Variants in KDM4C observed in about 807,000 individuals in gnomAD.
The protein encoded by KDM4C is lysine-specific demethylase 4C.
KDM4C carries 81 observed loss-of-function variants against 129.3 expected under a neutral mutation model. The observed-to-expected ratio is 0.63, with a 90% confidence interval of 0.52 to 0.75. The LOEUF is 0.75. Ranked by LOEUF, KDM4C falls within the 30% of genes least tolerant of loss-of-function variation. KDM4C has a pLI of 0.00. For missense variants in KDM4C, 1,457 were observed against 1,304.0 expected (o/e 1.12, Z -1.81); for synonymous variants, 573 against 456.1 (o/e 1.26, Z -3.26).
At chr9:6,812,197 A>G (rs1047117525) in intron 3 of KDM4C, among the ~76,000 whole-genome samples, 1 of 150,842 alleles carries the variant, frequency 6.6e-6, no homozygotes, top group Admixed American at 6.6e-5. Context: ...AGATCATGCC[A>G]CCGCACTCCA....
chr9:6,881,389 G>A (rs558659220), intron 6 of KDM4C, among the ~76,000 whole-genome samples: 5 of 152,160 alleles, frequency 3.3e-5, no homozygotes, highest in Admixed American at 6.5e-5. Context: ...CTGTTTTCAT[G>A]AATAAGTTTT....
chr9:6,971,182 G>C (rs1299377557), intron 8 of KDM4C, among the ~76,000 whole-genome samples: 1 of 152,142 alleles, frequency 6.6e-6, no homozygotes, highest in South Asian at 2.1e-4. Flanking sequence ...AATCTTTGCT[G>C]TGATTATTAT....
At chr9:7,146,401 A>C (rs1466473669) in intron 19 of KDM4C, among the ~76,000 whole-genome samples, 1 of 152,144 alleles carries the variant, frequency 6.6e-6, no homozygotes, top group East Asian at 1.9e-4. Flanking sequence ...CTTTTCCCCT[A>C]ATTTTCCTTA....
chr9:7,044,664 G>A lies in KDM4C; in HGVS notation c.2260-2198G>A, dbSNP rs1829129275. On this transcript the variant is annotated intron_variant, in intron 15 of 21. Transcript: ENST00000381309. ...GTACAGGCTTGAGAAGAAGATATGA[G>A]TTCAGTTTTGCATGTGTGTTTGAGA... is the stretch of plus-strand genomic sequence containing the variant. Among the ~76,000 whole-genome samples the A allele has an allele frequency of 2.0e-5, 3 of 151,880 alleles. No individual in the cohort carries two copies. The South Asian group carries it at 6.2e-4, about 31-fold the overall frequency.
chr9:6,969,097 G>A (rs1831493797), intron 8 of KDM4C, among the ~76,000 whole-genome samples: 1 of 152,010 alleles, frequency 6.6e-6, no homozygotes, highest in Admixed American at 6.6e-5. Context: ...CACCACACCT[G>A]GCTAATTTTT....
intron 3 of KDM4C, among the ~76,000 whole-genome samples, chr9:6,809,295 C>A (rs916796185): frequency 6.6e-6 from 1 of 152,178 alleles, no homozygotes; most frequent in African/African-American, 2.4e-5. Flanking sequence ...TCAGACTCTT[C>A]CAGAATTCTT....
intron 5 of KDM4C, among the ~76,000 whole-genome samples, chr9:6,859,896 TAG>T (rs1015356893): frequency 2.0e-5 from 3 of 151,640 alleles, no homozygotes; most frequent in African/African-American, 7.3e-5. Context: ...CAGAATTATT[TAG>T]AGTCTTAAAG....
At chr9:7,053,625 C>A (rs1457352984) in intron 17 of KDM4C, among the ~76,000 whole-genome samples, 1 of 152,084 alleles carries the variant, frequency 6.6e-6, no homozygotes, top group Non-Finnish European at 1.5e-5. Flanking sequence ...ATTTCTGTGT[C>A]CAATTTTAAA....
At chr9:6,806,189 C>G (rs1261064244) in intron 3 of KDM4C, among the ~76,000 whole-genome samples, 1 of 152,120 alleles carries the variant, frequency 6.6e-6, no homozygotes, top group East Asian at 1.9e-4. Context: ...TTATTTATTG[C>G]TGTGTAACAA....
intron 13 of KDM4C, among the ~76,000 whole-genome samples, chr9:7,012,725 G>C (rs1156911632): frequency 6.6e-6 from 1 of 152,132 alleles, no homozygotes; most frequent in African/African-American, 2.4e-5. Flanking sequence ...CACTCAAACA[G>C]TTGAAATATT....
chr9:7,084,528 C>G (rs528978983), intron 17 of KDM4C, among the ~76,000 whole-genome samples: 2 of 152,246 alleles, frequency 1.3e-5, no homozygotes, highest in Admixed American at 6.5e-5. Context: ...TTGATTATGG[C>G]TTTGTGTAGG....
At chr9:6,800,677 A>C (rs1828771174) in intron 2 of KDM4C, among the ~76,000 whole-genome samples, 1 of 151,982 alleles carries the variant, frequency 6.6e-6, no homozygotes, top group South Asian at 2.1e-4. Flanking sequence ...CCCAGGCTGG[A>C]GCGCAGTGGT....
intron 11 of KDM4C, 74 bp from the exon 12 acceptor site, chr9:6,990,342 A>T: frequency 1.0e-6 from 1 of 961,926 alleles, no homozygotes; most frequent in Non-Finnish European, 1.6e-6. Context: ...AATAATTGTG[A>T]ACTGTAGGGT....
At chr9:6,776,905 A>AT (rs1418854711) in intron 1 of KDM4C, among the ~76,000 whole-genome samples, 1 of 152,170 alleles carries the variant, frequency 6.6e-6, no homozygotes, top group Non-Finnish European at 1.5e-5. Flanking sequence ...CTGGGCCTCA[A>AT]TCCCACCTTT....
intron 5 of KDM4C, among the ~76,000 whole-genome samples, chr9:6,862,750 T>G (rs1479119045): frequency 6.6e-6 from 1 of 152,122 alleles, no homozygotes; most frequent in Non-Finnish European, 1.5e-5. Flanking sequence ...GAGGATGCAG[T>G]GAGCCGAGAT....
rs114219442 is a variant in KDM4C, at chr9:7,022,854, G to A, written c.2259+6925G>A. Among the ~76,000 whole-genome samples, 1,293 of 152,124 alleles carry A rather than the reference G, an allele frequency of 8.5e-3. 20 individuals carry two copies. Among genetic ancestry groups the A allele is most frequent in the African/African-American group, 0.029 (1,199 of 41,514 alleles). On this transcript the variant is annotated intron_variant, in intron 15 of 21. Coordinates refer to ENST00000381309, the MANE Select transcript of KDM4C (RefSeq NM_015061.6). ...TACCCAGTTTTTTGAGGGTTTTCAT[G>A]AAGGGATGTTGGACTTTATCAAATG... is the stretch of plus-strand genomic sequence containing the variant.
At chr9:6,790,945 G>C (rs1407490609) in intron 1 of KDM4C, among the ~76,000 whole-genome samples, 1 of 152,148 alleles carries the variant, frequency 6.6e-6, no homozygotes, top group Non-Finnish European at 1.5e-5. Flanking sequence ...ATCTCCTATA[G>C]TCTTTCCTTT....
chr9:7,127,507 T>C (rs556455131), intron 18 of KDM4C, among the ~76,000 whole-genome samples: 1 of 152,226 alleles, frequency 6.6e-6, no homozygotes, highest in African/African-American at 2.4e-5. Flanking sequence ...AGAGGAAGAA[T>C]TGTATCCTTC....
chr9:7,071,451 T>C (rs1330995885), intron 17 of KDM4C, among the ~76,000 whole-genome samples: 1 of 152,132 alleles, frequency 6.6e-6, no homozygotes, highest in Non-Finnish European at 1.5e-5. Context: ...TATGTAACAA[T>C]AGAAAAGAAT....
Sources: gnomAD v4.1 joint callset for allele counts (sites outside exome capture counted in the v4.1 genomes callset) on GRCh38, gnomAD v4.1.1 for gene constraint, MANE v1.5 for transcripts, NCBI Gene and HGNC (gene_info 2026-07-23, HGNC 2026-07-21) for gene names.